PMS1: variants seen among roughly 807,000 people sequenced by gnomAD.
PMS1 encodes PMS1 protein homolog 1.
PMS1 carries 79 observed loss-of-function variants against 93.1 expected under a neutral mutation model. The observed-to-expected ratio is 0.85, with a 90% confidence interval of 0.71 to 1.02. PMS1 has a LOEUF of 1.02. Among genes scored for constraint, PMS1 ranks in the 50% least tolerant of loss-of-function variants. PMS1 has a pLI of 0.00. For missense variants in PMS1, 1,064 were observed against 1,085.3 expected, an observed-to-expected ratio of 0.98 and a Z score of 0.28; for synonymous variants, 335 against 363.4, an observed-to-expected ratio of 0.92 and a Z score of 0.89.
chr2:189,831,915 G>C (rs1306901159), intron 5 of PMS1, among the ~76,000 whole-genome samples: 1 of 152,068 alleles, frequency 6.6e-6, no homozygotes, highest in Non-Finnish European at 1.5e-5. Flanking sequence ...ATTTTTAGTA[G>C]AGATGGGGTT....
intron 12 of PMS1, 125 bp from the exon 13 acceptor site, chr2:189,877,147 A>C: frequency 1.3e-6 from 1 of 796,318 alleles, no homozygotes; most frequent in South Asian, 1.7e-5. Flanking sequence ...GATACTTAAT[A>C]AATATTTGTT....
intron 1 of PMS1, among the ~76,000 whole-genome samples, chr2:189,791,541 T>A: frequency 6.6e-6 from 1 of 151,036 alleles, no homozygotes; most frequent in Non-Finnish European, 1.5e-5. Flanking sequence ...TGGCTGAACC[T>A]GGGAGGCAGA....
rs1471030323 is a variant in PMS1, at chr2:189,854,847, A to G, written c.1575A>G (p.Pro525=). The G allele has an allele frequency of 9.9e-6, 16 of 1,610,786 alleles. No homozygotes were observed. Among genetic ancestry groups the G allele is most frequent in the Non-Finnish European group, 1.2e-5 (14 of 1,177,234 alleles). ...TTTTAGTGCCTGAAAAAAGTTTACC[A>G]TGTAAAGTAAGTAATAATAATTATC... The part of the protein sequence containing the change: ...VKILVPEKSL[P]CKVSNNNYPI... Residue 525 remains proline (P), a synonymous_variant, in exon 9 of 13, where the codon CCA becomes CCG. Transcript: ENST00000441310.
chr2:189,837,325 C>T (rs966790589), intron 5 of PMS1, among the ~76,000 whole-genome samples: 2 of 151,902 alleles, frequency 1.3e-5, no homozygotes, highest in Admixed American at 6.6e-5. Flanking sequence ...AACAGGGTCA[C>T]ACTATGTTGC....
At chr2:189,837,774 A>G (rs770822874) in intron 5 of PMS1, among the ~76,000 whole-genome samples, 4 of 152,246 alleles carry the variant, frequency 2.6e-5, no homozygotes, top group Non-Finnish European at 5.9e-5. Flanking sequence ...GCCAAAAAGT[A>G]GAAACAACTC....
chr2:189,868,682 G>A (rs1468950660), intron 11 of PMS1, among the ~76,000 whole-genome samples: 1 of 152,144 alleles, frequency 6.6e-6, no homozygotes, highest in East Asian at 1.9e-4. Context: ...GACCAAAATA[G>A]TGTTTGAAGA....
At chr2:189,855,740 T>C (rs1221918798) in intron 9 of PMS1, 1 of 232,396 alleles carries the variant, frequency 4.3e-6, no homozygotes, top group Non-Finnish European at 9.1e-6. Flanking sequence ...TTGATCTGTC[T>C]TTGATTAAAA....
intron 12 of PMS1, 23 bp downstream of exon 12, chr2:189,873,679 G>T (rs773127075): frequency 9.0e-6 from 14 of 1,560,078 alleles, no homozygotes; most frequent in South Asian, 3.4e-5. Context: ...TTATATATAT[G>T]TTATTGTATA....
At chr2:189,873,879 T>C (rs1575407221) in intron 12 of PMS1, among the ~76,000 whole-genome samples, 1 of 152,164 alleles carries the variant, frequency 6.6e-6, no homozygotes, top group South Asian at 2.1e-4. Context: ...GCACTTCTTG[T>C]GGAACAATTT....
chr2:189,802,917 A>G (rs1234628373), intron 3 of PMS1, among the ~76,000 whole-genome samples: 1 of 152,200 alleles, frequency 6.6e-6, no homozygotes, highest in African/African-American at 2.4e-5. Context: ...ATGGAACTCT[A>G]TTGAAAGGAG....
At chr2:189,867,778 G>A in intron 10 of PMS1, 21 bp from the exon 11 acceptor site, 1 of 1,534,596 alleles carries the variant, frequency 6.5e-7, no homozygotes, top group Non-Finnish European at 9.0e-7. Flanking sequence ...ATAAGTTAAA[G>A]GGCCATAATT....
intron 9 of PMS1, among the ~76,000 whole-genome samples, chr2:189,862,855 A>G (rs1299614386): frequency 6.6e-6 from 1 of 152,204 alleles, no homozygotes; most frequent in Admixed American, 6.5e-5. Context: ...GTTTCCCTGC[A>G]ATGGGCAGCA....
At chr2:189,853,608 C>G (rs2106456194) in intron 7 of PMS1, among the ~76,000 whole-genome samples, 1 of 151,768 alleles carries the variant, frequency 6.6e-6, no homozygotes, top group African/African-American at 2.4e-5. Context: ...CTCCATCTCC[C>G]AGGTTCAAGC....
chr2:189,858,199 T>A (rs772175766), intron 9 of PMS1, among the ~76,000 whole-genome samples: 1 of 152,098 alleles, frequency 6.6e-6, no homozygotes, highest in Non-Finnish European at 1.5e-5. Context: ...TTTTGTTTTT[T>A]TCCTTCCTCG....
chr2:189,801,402 TAGAG>T (rs1053712274), intron 3 of PMS1, among the ~76,000 whole-genome samples: 8 of 152,312 alleles, frequency 5.3e-5, no homozygotes, highest in East Asian at 1.9e-4. Flanking sequence ...TGGGTTGAAA[TAGAG>T]AGAGTGAAAA....
chr2:189,852,864 T>TA (rs892268224), intron 7 of PMS1, 87 bp downstream of exon 7: 427 of 830,562 alleles, frequency 5.1e-4, no homozygotes, highest in Non-Finnish European at 4.6e-4. Context: ...TGCTCTAAAA[T>TA]AAAAAAAAAG....
intron 9 of PMS1, chr2:189,857,616 TTCCTC>T: frequency 2.6e-6 from 1 of 377,662 alleles, no homozygotes; most frequent in Admixed American, 3.4e-5. Flanking sequence ...CTTCTCTCGA[TTCCTC>T]CTTTCCCTTC....
Position 189,818,173 on chromosome 2 carries a change from A to G in PMS1, c.575A>G (p.His192Arg), listed in dbSNP as rs587778610. The G allele has an allele frequency of 6.3e-7, 1 of 1,578,984 alleles. No individual in the cohort carries two copies. The highest frequency in any genetic ancestry group is 1.1e-5 in the South Asian group (1 of 90,138). Reference protein sequence around the residue: ...LKPDLRIVFVHNKAVIWQKSR... With the variant: ...LKPDLRIVFVRNKAVIWQKSR... ...CCTGACTTAAGGATTGTCTTTGTAC[A>G]TAACAAGGTAAACATTATTTTATCT... The change falls in exon 5 of 13, where the codon CAT becomes CGT. Residue 192 changes from histidine to arginine, a missense_variant. Transcript: ENST00000441310.
intron 9 of PMS1, among the ~76,000 whole-genome samples, chr2:189,859,570 A>G (rs1168885893): frequency 1.3e-5 from 2 of 152,178 alleles, no homozygotes; most frequent in African/African-American, 4.8e-5. Context: ...TCACTTTTTA[A>G]GAAAAGGGGT....
Sources: allele counts gnomAD v4.1 joint callset (sites outside exome capture counted in the v4.1 genomes callset), GRCh38; gene constraint gnomAD v4.1.1; transcripts MANE v1.5; gene names NCBI Gene and HGNC (gene_info 2026-07-23, HGNC 2026-07-21).